The following DNAH7 variants were observed in gnomAD, a reference collection of about 807,000 sequenced individuals.
DNAH7 encodes dynein axonemal heavy chain 7.
A neutral mutation model predicts 444.6 loss-of-function variants in DNAH7; 397 were observed. That is an observed-to-expected ratio of 0.89 (90% CI 0.82 to 0.97). DNAH7 has a LOEUF of 0.97. Among genes scored for constraint, DNAH7 ranks in the 50% least tolerant of loss-of-function variants. DNAH7 has a pLI of 0.00. For synonymous variants in DNAH7, 1,636 were observed against 1,624.4 expected, an observed-to-expected ratio of 1.01 and a Z score of -0.17; for missense variants, 4,902 against 4,800.8, an observed-to-expected ratio of 1.02 and a Z score of -0.62.
chr2:196,066,736 G>T (rs533403712), intron 1 of DNAH7, among the ~76,000 whole-genome samples: 6 of 152,256 alleles, frequency 3.9e-5, no homozygotes, highest in African/African-American at 1.2e-4. Flanking sequence ...CTAATGAGAT[G>T]AATATGTTAA....
intron 30 of DNAH7, chr2:195,892,755 T>C (rs934954813): frequency 6.6e-6 from 1 of 152,040 alleles, no homozygotes; most frequent in African/African-American, 2.4e-5. Flanking sequence ...TCCCCCATTA[T>C]AGTACCATAC....
chr2:195,824,938 C>T (rs1697655323), intron 48 of DNAH7: 1 of 152,412 alleles, frequency 6.6e-6, no homozygotes, highest in African/African-American at 2.4e-5. Context: ...CTACTTCTCC[C>T]TAATATTTTA....
intron 24 of DNAH7, among the ~76,000 whole-genome samples, chr2:195,910,830 G>C (rs1687314584): frequency 6.6e-6 from 1 of 152,096 alleles, no homozygotes. Context: ...AGTCAATTAT[G>C]GAAGAGACAA....
chr2:195,794,634 T>C, intron 56 of DNAH7, 96 bp from the exon 57 acceptor site: 2 of 1,166,992 alleles, frequency 1.7e-6, no homozygotes, highest in South Asian at 2.7e-5. Context: ...GGGGAGGAAG[T>C]ATTTTTACAA....
At chr2:196,052,606 T>G (rs1697544962) in intron 2 of DNAH7, among the ~76,000 whole-genome samples, 1 of 152,242 alleles carries the variant, frequency 6.6e-6, no homozygotes, top group South Asian at 2.1e-4. Flanking sequence ...GTACCACTTT[T>G]ATGCCTATTA....
chr2:195,886,375 A>T (rs1701712954), intron 33 of DNAH7, 103 bp from the exon 34 acceptor site: 2 of 1,032,294 alleles, frequency 1.9e-6, no homozygotes, highest in Non-Finnish European at 2.8e-6. Context: ...AACAGGTAGT[A>T]ATAATTTTAA....
At chr2:195,851,925 G>A (rs1699391460) in intron 46 of DNAH7, among the ~76,000 whole-genome samples, 1 of 152,146 alleles carries the variant, frequency 6.6e-6, no homozygotes. Context: ...GCTAAAGACA[G>A]AAGCACCCAC....
At chr2:196,019,075 A>T in intron 9 of DNAH7, 95 bp downstream of exon 9, 1 of 1,219,072 alleles carries the variant, frequency 8.2e-7, no homozygotes, top group Non-Finnish European at 1.1e-6. Flanking sequence ...GTAATGTTTT[A>T]CTTTGCAGTT....
At chr2:195,756,334 A>G in intron 61 of DNAH7, 49 bp from the exon 62 acceptor site, 1 of 1,441,414 alleles carries the variant, frequency 6.9e-7, no homozygotes, top group South Asian at 1.6e-5. Context: ...ATTATGATAG[A>G]TTATAAGCAA....
At chr2:195,998,888 TAAC>T in intron 12 of DNAH7, 1 of 485,504 alleles carries the variant, frequency 2.1e-6, no homozygotes, top group Non-Finnish European at 3.6e-6. Flanking sequence ...GCTAAGGAAA[TAAC>T]AACAAAAAAA....
rs963015805 is a variant in DNAH7 at position 195,841,260 on chromosome 2, C to T, written c.8945+3742G>A. ...TCTCTGTCTCTCTCTCTCCTCTCTC[C>T]CCTCACCCCCAACCCTCTTTCCCCA... On this transcript the variant is annotated intron_variant, in intron 47 of 64. Transcript: ENST00000312428. Among the ~76,000 whole-genome samples the T allele has an allele frequency of 4.0e-5, 6 of 151,238 alleles. No individual in the cohort carries two copies. The South Asian group carries it at 6.2e-4, about 16-fold the overall frequency.
At position 195,936,519 on chromosome 2, in the gene DNAH7, ATATT is replaced by A; in HGVS notation, c.3272+76_3272+79del. ...AAATATTATATAAACATGATTATAT[ATATT>A]TATGTTCTACTTTGTTCTAAAAATT... On this transcript the variant is annotated intron_variant, in intron 20 of 64. Transcript: ENST00000312428. The A allele has an allele frequency of 1.7e-5, 15 of 874,486 alleles. 1 individual carries two copies. The highest frequency in any genetic ancestry group is 2.5e-5 in the Non-Finnish European group (15 of 592,112). 54.2% of individuals were successfully genotyped at this position (874,486 alleles called of 1,614,324 possible). A position where few individuals can be genotyped will look rare whatever the true frequency, so the allele number is the denominator to read the frequency against.
intron 49 of DNAH7, among the ~76,000 whole-genome samples, chr2:195,820,340 A>T (rs1265134304): frequency 6.6e-6 from 1 of 151,974 alleles, no homozygotes; most frequent in Non-Finnish European, 1.5e-5. Flanking sequence ...CAAATACCTA[A>T]TGCATATGGG....
At chr2:195,802,855 AC>A (rs1275239733) in intron 54 of DNAH7, among the ~76,000 whole-genome samples, 1 of 152,126 alleles carries the variant, frequency 6.6e-6, no homozygotes, top group Non-Finnish European at 1.5e-5. Flanking sequence ...CCACCCTGCC[AC>A]ACCCTTCACC....
At chr2:195,856,647 CG>C (rs1699729874) in intron 44 of DNAH7, among the ~76,000 whole-genome samples, 1 of 152,046 alleles carries the variant, frequency 6.6e-6, no homozygotes, top group Non-Finnish European at 1.5e-5. Context: ...CCCTGTTTTG[CG>C]TATGATATAA....
chr2:195,887,680 G>A (rs1442777472), intron 33 of DNAH7, among the ~76,000 whole-genome samples: 2 of 152,106 alleles, frequency 1.3e-5, no homozygotes, highest in Middle Eastern at 3.2e-3. Flanking sequence ...AAGACCTTTG[G>A]TCAGCATCTC....
chr2:196,041,019 C>A (rs1046504209), intron 5 of DNAH7, among the ~76,000 whole-genome samples: 4 of 151,518 alleles, frequency 2.6e-5, no homozygotes, highest in Non-Finnish European at 5.9e-5. Context: ...AAGATCTCTA[C>A]AATGAAAAAT....
At chr2:195,983,897 A>T (rs1282003809) in intron 15 of DNAH7, among the ~76,000 whole-genome samples, 5 of 152,356 alleles carry the variant, frequency 3.3e-5, no homozygotes, top group Admixed American at 6.5e-5. Context: ...TTCCCGGGAC[A>T]GTCCTGGTTT....
chr2:196,035,357 A>AC (rs1696320637), intron 5 of DNAH7, among the ~76,000 whole-genome samples: 1 of 152,226 alleles, frequency 6.6e-6, no homozygotes, highest in African/African-American at 2.4e-5. Flanking sequence ...ATAACCTGCA[A>AC]CCATTGTTGC....
Sources: allele counts gnomAD v4.1 joint callset (sites outside exome capture counted in the v4.1 genomes callset), GRCh38; gene constraint gnomAD v4.1.1; transcripts MANE v1.5; gene names NCBI Gene and HGNC (gene_info 2026-07-23, HGNC 2026-07-21).